The following ZNF277 variants were observed in gnomAD, a reference collection of about 807,000 sequenced individuals.
The protein encoded by ZNF277 is zinc finger protein 277.
A neutral mutation model predicts 60.7 loss-of-function variants in ZNF277; 55 were observed. The ratio of observed to expected loss-of-function variants is 0.91; its 90% CI spans 0.73 to 1.13. ZNF277 has a LOEUF of 1.13. ZNF277 is among the 50% of genes most tolerant of loss of function. ZNF277 has a pLI of 0.00. For missense variants in ZNF277, 510 were observed against 523.0 expected (o/e 0.98, Z 0.24); for synonymous variants, 178 against 179.3 (o/e 0.99, Z 0.06).
chr7:112,283,395 C>T (rs1030889562), intron 1 of ZNF277, among the ~76,000 whole-genome samples: 2 of 152,090 alleles, frequency 1.3e-5, no homozygotes, highest in Non-Finnish European at 2.9e-5. Flanking sequence ...TAGTGGCAGG[C>T]ACCTGTAATC....
At chr7:112,277,303 C>T (rs900418322) in intron 1 of ZNF277, among the ~76,000 whole-genome samples, 1 of 152,014 alleles carries the variant, frequency 6.6e-6, no homozygotes, top group African/African-American at 2.4e-5. Flanking sequence ...AAGATGGTCT[C>T]GATCTCCTGA....
At chr7:112,306,071 G>A (rs1180749555) in intron 4 of ZNF277, among the ~76,000 whole-genome samples, 3 of 152,026 alleles carry the variant, frequency 2.0e-5, no homozygotes, top group African/African-American at 2.4e-5. Context: ...TTACTTTCAA[G>A]TTTCCATTTT....
chr7:112,271,844 T>C (rs185039843), intron 1 of ZNF277, among the ~76,000 whole-genome samples: 1 of 152,262 alleles, frequency 6.6e-6, no homozygotes, highest in East Asian at 1.9e-4. Context: ...ATTTATGGGA[T>C]AAATGAGATA....
chr7:112,322,832 A>G (rs1254536374), intron 5 of ZNF277, among the ~76,000 whole-genome samples: 3 of 152,058 alleles, frequency 2.0e-5, no homozygotes, highest in Admixed American at 6.6e-5. Flanking sequence ...TAAGTAATAT[A>G]ATGTGGCAAC....
At chr7:112,224,769 GTC>G (rs1822134431) in intron 1 of ZNF277, among the ~76,000 whole-genome samples, 1 of 152,206 alleles carries the variant, frequency 6.6e-6, no homozygotes, top group South Asian at 2.1e-4. Flanking sequence ...TGGTCAATGA[GTC>G]TTTGTTCAGT....
intron 4 of ZNF277, 46 bp from the exon 5 acceptor site, chr7:112,318,136 C>A: frequency 2.7e-6 from 4 of 1,490,060 alleles, no homozygotes; most frequent in Non-Finnish European, 3.7e-6. Context: ...TTTTATTAGC[C>A]AATTGTGCAT....
chr7:112,339,539 A>T (rs1584424412), intron 9 of ZNF277, among the ~76,000 whole-genome samples: 1 of 152,158 alleles, frequency 6.6e-6, no homozygotes. Context: ...GGCTGGTCTC[A>T]AACTCCTGAC....
chr7:112,320,628 A>T (rs1325648942), intron 5 of ZNF277, among the ~76,000 whole-genome samples: 1 of 151,932 alleles, frequency 6.6e-6, no homozygotes, highest in South Asian at 2.1e-4. Context: ...CCTCTCCTCC[A>T]CACCCTTCAT....
At chr7:112,299,203 T>C (rs557862810) in intron 4 of ZNF277, among the ~76,000 whole-genome samples, 1 of 152,304 alleles carries the variant, frequency 6.6e-6, no homozygotes, top group South Asian at 2.1e-4. Flanking sequence ...GGGTGATTCT[T>C]CTGTGGGCGT....
At chr7:112,275,927 C>T (rs1791782359) in intron 1 of ZNF277, among the ~76,000 whole-genome samples, 1 of 152,182 alleles carries the variant, frequency 6.6e-6, no homozygotes, top group South Asian at 2.1e-4. Flanking sequence ...AGAAATGCCA[C>T]ACGGAAATGG....
chr7:112,255,626 T>C (rs7781245), intron 1 of ZNF277, among the ~76,000 whole-genome samples: 32,523 of 152,150 alleles, frequency 0.21, 4,149 homozygotes, highest in African/African-American at 0.36. Context: ...TCAGTAACAA[T>C]ACAGTAATTC....
At chr7:112,316,944 C>A (rs1041938010) in intron 4 of ZNF277, among the ~76,000 whole-genome samples, 4 of 150,680 alleles carry the variant, frequency 2.7e-5, no homozygotes, top group Non-Finnish European at 5.9e-5. Context: ...AAATGTGGCA[C>A]ATATACACCA....
chr7:112,326,912 T>A (rs1158552658), intron 5 of ZNF277, among the ~76,000 whole-genome samples: 1 of 152,164 alleles, frequency 6.6e-6, no homozygotes, highest in Admixed American at 6.5e-5. Context: ...CACATATGCT[T>A]TTTTGCTATG....
At chr7:112,317,139 A>G (rs1792863674) in intron 4 of ZNF277, among the ~76,000 whole-genome samples, 1 of 151,940 alleles carries the variant, frequency 6.6e-6, no homozygotes, top group African/African-American at 2.4e-5. Context: ...ATCATACACC[A>G]AGGCCTATCA....
At chr7:112,237,976 A>C (rs983631605) in intron 1 of ZNF277, among the ~76,000 whole-genome samples, 5 of 152,246 alleles carry the variant, frequency 3.3e-5, no homozygotes, top group South Asian at 4.1e-4. Context: ...AAATAAATTA[A>C]CACCACCTGC....
At chr7:112,271,733 C>G (rs1791672415) in intron 1 of ZNF277, among the ~76,000 whole-genome samples, 1 of 152,040 alleles carries the variant, frequency 6.6e-6, no homozygotes, top group Admixed American at 6.6e-5. Flanking sequence ...TATGGGCTAT[C>G]TTAAAATTAT....
chr7:112,279,542 A>C (rs1278069138), intron 1 of ZNF277, among the ~76,000 whole-genome samples: 2 of 151,852 alleles, frequency 1.3e-5, no homozygotes, highest in Non-Finnish European at 2.9e-5. Flanking sequence ...AATTTGGTTT[A>C]TTTGGGTTTT....
At chr7:112,302,949 CTTT>C (rs34593342) in intron 4 of ZNF277, among the ~76,000 whole-genome samples, 11 of 132,854 alleles carry the variant, frequency 8.3e-5, no homozygotes, top group Non-Finnish European at 1.4e-4. Context: ...GCAAATAGGC[CTTT>C]TTTTTTTTTT....
intron 4 of ZNF277, among the ~76,000 whole-genome samples, chr7:112,311,053 G>A (rs1792720560): frequency 6.6e-6 from 1 of 152,022 alleles, no homozygotes; most frequent in Non-Finnish European, 1.5e-5. Context: ...ACTTTCCTGT[G>A]TATAAATTCT....
Sources: gnomAD v4.1 joint callset for allele counts (sites outside exome capture counted in the v4.1 genomes callset) on GRCh38, gnomAD v4.1.1 for gene constraint, MANE v1.5 for transcripts, NCBI Gene and HGNC (gene_info 2026-07-23, HGNC 2026-07-21) for gene names.